Variants in KCNQ3 observed in about 807,000 individuals in gnomAD.
KCNQ3 encodes the protein potassium voltage-gated channel subfamily KQT member 3.
A neutral mutation model predicts 92.5 loss-of-function variants in KCNQ3; 30 were observed. The ratio of observed to expected loss-of-function variants is 0.32; its 90% confidence interval spans 0.24 to 0.44. The LOEUF (loss-of-function observed/expected upper bound fraction) is 0.44. Among genes scored for constraint, KCNQ3 ranks in the 20% least tolerant of loss-of-function variants. KCNQ3 has a pLI of 1.00. For synonymous variants in KCNQ3, 450 were observed against 468.8 expected (o/e 0.96, Z 0.52); for missense variants, 913 against 1,140.3 (o/e 0.80, Z 2.87).
chr8:132,327,697 T>TCA (rs1456347809), intron 1 of KCNQ3, among the ~76,000 whole-genome samples: 2 of 152,188 alleles, frequency 1.3e-5, no homozygotes, highest in Non-Finnish European at 2.9e-5. Flanking sequence ...TCCATGGGCC[T>TCA]CATCCTGTTC....
At chr8:132,267,650 A>G (rs530109136) in intron 1 of KCNQ3, among the ~76,000 whole-genome samples, 1 of 152,300 alleles carries the variant, frequency 6.6e-6, no homozygotes, top group South Asian at 2.1e-4. Context: ...TGTGACTCCC[A>G]AATATTAACG....
In KCNQ3 at chr8:132,172,655, C is replaced by G. The variant is rs766876702; in HGVS notation, c.1083G>C (p.Glu361Asp). Residue 361 changes from glutamate (E) to aspartate (D), a missense_variant, in exon 7 of 15, where the codon GAG becomes GAC. Glu to Asp is a conservative substitution (Grantham distance 45). Coordinates refer to ENST00000388996, the MANE Select transcript of KCNQ3 (RefSeq NM_004519.4). ...TCTCAAAGTGCTTCTGACGGTGTTG[C>G]TCCTGCACCTTGAGGGCCAGCCCGG... ...LGSGLALKVQ[E>D]QHRQKHFEKR... 15 of 1,613,898 alleles carry G rather than the reference C, an allele frequency of 9.3e-6. No homozygotes were observed. Among genetic ancestry groups the G allele is most frequent in the Non-Finnish European group, 7.6e-6 (9 of 1,180,038 alleles).
intron 1 of KCNQ3, among the ~76,000 whole-genome samples, chr8:132,189,907 A>AAAAAAAAAAAAAAAG (rs1480816124): frequency 7.6e-6 from 1 of 132,218 alleles, no homozygotes; most frequent in African/African-American, 3.5e-5. Flanking sequence ...AAAAAAAAAA[A>AAAAAAAAAAAAAAAG]AGAGAGAGAG....
chr8:132,325,558 T>C (rs1022477910), intron 1 of KCNQ3, among the ~76,000 whole-genome samples: 2 of 152,140 alleles, frequency 1.3e-5, no homozygotes, highest in East Asian at 1.9e-4. Context: ...CTGGTGGTCT[T>C]ATAAGAAGAT....
chr8:132,221,422 A>G (rs1031206667), intron 1 of KCNQ3, among the ~76,000 whole-genome samples: 1 of 152,230 alleles, frequency 6.6e-6, no homozygotes, highest in African/African-American at 2.4e-5. Flanking sequence ...ACTAGTTTAC[A>G]GTCCCACCAA....
At chr8:132,410,016 C>G (rs1035037202) in intron 1 of KCNQ3, among the ~76,000 whole-genome samples, 9 of 152,142 alleles carry the variant, frequency 5.9e-5, no homozygotes, top group African/African-American at 2.2e-4. Flanking sequence ...GTAGTCCCAG[C>G]TACTCAGGAG....
At position 132,466,706 on chromosome 8, in the gene KCNQ3, G is replaced by A. The variant is rs569590631; in HGVS notation, c.386+13441C>T. Among the ~76,000 whole-genome samples, 5 of 152,152 alleles carry A rather than the reference G, an allele frequency of 3.3e-5. No individual in the cohort carries two copies. In the South Asian group the frequency reaches 1.0e-3, roughly 32 times the overall value. The stretch of plus-strand genomic sequence containing the variant: ...CTCCTAAATCATGCATTCTCACTAG[G>A]GATGCTATTGCATTCCAGGGGGCAA... On this transcript the variant is annotated intron_variant, in intron 1 of 14. Coordinates refer to ENST00000388996, the MANE Select transcript of KCNQ3 (RefSeq NM_004519.4).
At chr8:132,455,232 G>A (rs761496500) in intron 1 of KCNQ3, among the ~76,000 whole-genome samples, 1 of 151,850 alleles carries the variant, frequency 6.6e-6, no homozygotes. Flanking sequence ...TCAGCCTCCC[G>A]AGTAGATGGG....
chr8:132,283,730 C>T lies in KCNQ3; in HGVS notation c.387-97549G>A, dbSNP rs139562857. Among the ~76,000 whole-genome samples the T allele has an allele frequency of 9.3e-4, 142 of 152,286 alleles. 2 individuals are homozygous for T. The highest frequency in any genetic ancestry group is 3.2e-3 in the African/African-American group (133 of 41,544). On this transcript the variant is annotated intron_variant, in intron 1 of 14. Coordinates refer to ENST00000388996, the MANE Select transcript of KCNQ3 (RefSeq NM_004519.4). ...TGCTCTAAAAATACGGAGAAGTATACGCATGTAGAAGGTAATTGTTTTTGC... is the reference window on the plus strand; with the variant it reads ...TGCTCTAAAAATACGGAGAAGTATATGCATGTAGAAGGTAATTGTTTTTGC...
chr8:132,302,757 T>A (rs1040491736), intron 1 of KCNQ3, among the ~76,000 whole-genome samples: 1 of 152,174 alleles, frequency 6.6e-6, no homozygotes, highest in Non-Finnish European at 1.5e-5. Context: ...GTATCCTAGA[T>A]GTTGAGTCAT....
At chr8:132,246,248 GAAAT>G (rs752823790) in intron 1 of KCNQ3, among the ~76,000 whole-genome samples, 1 of 152,096 alleles carries the variant, frequency 6.6e-6, no homozygotes, top group Non-Finnish European at 1.5e-5. Context: ...ATAAACCTAG[GAAAT>G]AAATAAATAA....
chr8:132,127,461 T>TATC lies in KCNQ3; in HGVS notation c.*1798_*1800dup, dbSNP rs986026210. Reference sequence around the variant, plus strand: ...GTTGACATGTGAGTTGAAAGGAACCTATCTCTGAGGAAGTGATTCCTCTCT... The same window carrying TATC: ...GTTGACATGTGAGTTGAAAGGAACCTATCATCTCTGAGGAAGTGATTCCTCTCT... On this transcript the variant is annotated 3_prime_UTR_variant, in exon 15 of 15. Coordinates refer to ENST00000388996, the MANE Select transcript of KCNQ3 (RefSeq NM_004519.4). 6 of 152,200 alleles carry TATC rather than the reference T, an allele frequency of 3.9e-5. No homozygotes were observed. Among genetic ancestry groups the TATC allele is most frequent in the Non-Finnish European group, 7.3e-5 (5 of 68,044 alleles). The allele number at this position is 152,200 out of a possible 1,614,324, so 9.4% of individuals were successfully genotyped here. A position where few individuals can be genotyped will look rare whatever the true frequency, so the allele number is the denominator to read the frequency against.
At chr8:132,462,942 A>C (rs2130859613) in intron 1 of KCNQ3, among the ~76,000 whole-genome samples, 1 of 151,922 alleles carries the variant, frequency 6.6e-6, no homozygotes, top group South Asian at 2.1e-4. Context: ...CTTTTTCTAC[A>C]CACACACACA....
intron 8 of KCNQ3, among the ~76,000 whole-genome samples, chr8:132,168,492 G>T (rs1826205195): frequency 6.6e-6 from 1 of 152,142 alleles, no homozygotes; most frequent in African/African-American, 2.4e-5. Flanking sequence ...AGTGGCACCT[G>T]CCACCAGAAC....
intron 1 of KCNQ3, among the ~76,000 whole-genome samples, chr8:132,452,061 CGTTT>C (rs1041688329): frequency 6.0e-4 from 92 of 152,232 alleles, no homozygotes; most frequent in African/African-American, 2.1e-3. Flanking sequence ...TTGGGTTTTT[CGTTT>C]GTTTGTCACT....
At chr8:132,251,908 T>C (rs977820282) in intron 1 of KCNQ3, among the ~76,000 whole-genome samples, 3 of 152,248 alleles carry the variant, frequency 2.0e-5, no homozygotes, top group Non-Finnish European at 4.4e-5. Flanking sequence ...CTATATCTAA[T>C]ACAAGTGGGA....
At chr8:132,135,511 A>T (rs1022175651) in intron 12 of KCNQ3, among the ~76,000 whole-genome samples, 47 of 152,182 alleles carry the variant, frequency 3.1e-4, no homozygotes, top group African/African-American at 9.4e-4. Flanking sequence ...CCGCAAGGTC[A>T]GCATGGCTGG....
At chr8:132,230,435 GAGAGAGAGAGAGAC>G (rs1253870029) in intron 1 of KCNQ3, among the ~76,000 whole-genome samples, 32 of 124,190 alleles carry the variant, frequency 2.6e-4, no homozygotes, top group Non-Finnish European at 4.9e-4. Context: ...ACCACAGGCA[GAGAGAGAGAGAGAC>G]AGAGAGAGAG....
Position 132,425,909 on chromosome 8 carries a change from A to G in KCNQ3, c.386+54238T>C, listed in dbSNP as rs1402573057. Among the ~76,000 whole-genome samples, 3 of 152,270 alleles carry G rather than the reference A, an allele frequency of 2.0e-5. No homozygotes were observed. The East Asian group carries it at 5.8e-4, about 29-fold the overall frequency. Reference sequence around the variant, plus strand: ...TGATTCTAAGACAAAGCCTGAATTAATTTAGAATATTTTGGTTCTCCCAAC... The same window carrying G: ...TGATTCTAAGACAAAGCCTGAATTAGTTTAGAATATTTTGGTTCTCCCAAC... On this transcript the variant is annotated intron_variant, in intron 1 of 14. Coordinates refer to ENST00000388996, the MANE Select transcript of KCNQ3 (RefSeq NM_004519.4).
Sources: allele counts gnomAD v4.1 joint callset (sites outside exome capture counted in the v4.1 genomes callset), GRCh38; gene constraint gnomAD v4.1.1; transcripts MANE v1.5; gene names NCBI Gene and HGNC (gene_info 2026-07-23, HGNC 2026-07-21).